CRBN: variants seen among roughly 807,000 people sequenced by gnomAD.
The protein encoded by CRBN is cereblon, also known as protein cereblon.
Under a neutral mutation model 62.2 loss-of-function variants are expected in CRBN, and 53 were observed. That is an observed-to-expected ratio of 0.85 (90% confidence interval 0.68 to 1.07). The LOEUF is 1.07. CRBN is among the 50% of genes least tolerant of loss of function. CRBN has a pLI of 0.00. For synonymous variants in CRBN, 208 were observed against 176.1 expected, an observed-to-expected ratio of 1.18 and a Z score of -1.43; for missense variants, 616 against 531.1, an observed-to-expected ratio of 1.16 and a Z score of -1.57.
rs1457385788 is a variant in CRBN, at chr3:3,150,930, G to C, written c.1264C>G (p.Leu422Val). The stretch of plus-strand genomic sequence containing the variant: ...TCAGTGTCTGGGATCGTGGGCAACA[G>C]AGCAGATCGCGTTAAGCCCCAAAAT... ...QKFWGLTRSA[L>V]LPTIPDTEDE... Residue 422 changes from leucine to valine, a missense_variant, in exon 11 of 11, where the codon CTG (leucine) becomes GTG (valine). By Grantham distance (32) the Leu-to-Val change is conservative. Coordinates refer to ENST00000231948, the MANE Select transcript of CRBN (RefSeq NM_016302.4). 1.9e-6 allele frequency: 3 copies of C among 1,613,896 alleles called. No individual in the cohort carries two copies. Among genetic ancestry groups the C allele is most frequent in the Non-Finnish European group, 2.5e-6 (3 of 1,179,966 alleles).
At chr3:3,179,443 A>G (rs547427993) in intron 1 of CRBN, among the ~76,000 whole-genome samples, 178 bp downstream of exon 1, 1 of 152,198 alleles carries the variant, frequency 6.6e-6, no homozygotes, top group South Asian at 2.1e-4. Context: ...CAGCGAAGAA[A>G]GCGCCGCGAC....
At chr3:3,175,676 G>C (rs566062319) in intron 1 of CRBN, among the ~76,000 whole-genome samples, 3 of 151,974 alleles carry the variant, frequency 2.0e-5, no homozygotes, top group Middle Eastern at 3.2e-3. Flanking sequence ...TTGCGTTCCA[G>C]GATCCCACTT....
At chr3:3,154,681 C>G in intron 7 of CRBN, 66 bp downstream of exon 7, 2 of 843,656 alleles carry the variant, frequency 2.4e-6, no homozygotes, top group Non-Finnish European at 4.2e-6. Context: ...TGGATCGCAT[C>G]CATGAAAAAG....
At chr3:3,159,147 T>C (rs774563602) in intron 5 of CRBN, among the ~76,000 whole-genome samples, 5 of 152,198 alleles carry the variant, frequency 3.3e-5, no homozygotes, top group Non-Finnish European at 5.9e-5. Flanking sequence ...TCTTTATAAA[T>C]TACCCAGTCT....
At chr3:3,151,216 T>A (rs1237917329) in intron 10 of CRBN, among the ~76,000 whole-genome samples, 171 bp from the exon 11 acceptor site, 1 of 152,206 alleles carries the variant, frequency 6.6e-6, no homozygotes, top group East Asian at 1.9e-4. Context: ...CTAAAAACAT[T>A]TTCTAATTTT....
chr3:3,177,605 CTTTA>C (rs1707880249), intron 1 of CRBN, among the ~76,000 whole-genome samples: 1 of 152,202 alleles, frequency 6.6e-6, no homozygotes, highest in African/African-American at 2.4e-5. Context: ...GCACAACCCA[CTTTA>C]TTGCTCTACT....
intron 1 of CRBN, among the ~76,000 whole-genome samples, chr3:3,176,894 C>T (rs989314494): frequency 6.6e-6 from 1 of 152,222 alleles, no homozygotes; most frequent in Admixed American, 6.5e-5. Context: ...GAAAACGCTA[C>T]ACAATACATA....
chr3:3,153,184 A>G (rs906073268), intron 9 of CRBN: 2 of 455,478 alleles, frequency 4.4e-6, no homozygotes, highest in African/African-American at 4.0e-5. Flanking sequence ...GGGGAAAAGA[A>G]TTTCTCAGTT....
intron 5 of CRBN, among the ~76,000 whole-genome samples, chr3:3,166,872 A>G (rs1394505886): frequency 6.6e-6 from 1 of 151,836 alleles, no homozygotes; most frequent in Non-Finnish European, 1.5e-5. Flanking sequence ...AATCCTCACC[A>G]CTCAACAAAG....
At chr3:3,179,501 C>A in intron 1 of CRBN, 120 bp downstream of exon 1, 1 of 959,230 alleles carries the variant, frequency 1.0e-6, no homozygotes, top group East Asian at 2.6e-5. Context: ...CGGTGCGGCC[C>A]TGCTGGGCTG....
chr3:3,172,366 A>T (rs1707651538), intron 4 of CRBN: 1 of 204,344 alleles, frequency 4.9e-6, no homozygotes, highest in Non-Finnish European at 1.0e-5. Flanking sequence ...TGGTGAGCAC[A>T]CGAACAGCTC....
downstream of CRBN, chr3:3,149,983 A>C (rs1331788229): frequency 5.3e-5 from 8 of 152,160 alleles, no homozygotes; most frequent in African/African-American, 1.9e-4. Context: ...ATGAGTAGAT[A>C]TTTTACATTA....
chr3:3,150,518 AT>A lies in CRBN; in HGVS notation c.*346del, dbSNP rs11320492. The A allele has an allele frequency of 0.25, 45,515 of 184,864 alleles. 4,681 individuals carry two copies. The highest frequency in any genetic ancestry group is 0.69 in the East Asian group (4,400 of 6,354). The allele number at this position is 184,864 out of a possible 1,614,324, so 11.5% of individuals were successfully genotyped here. The stretch of plus-strand genomic sequence containing the variant: ...CAGTTTCACATTGTAGGAATTTAAG[AT>A]TTTTTTTTTTTTTAACACAGGAAAT... On this transcript the variant is annotated 3_prime_UTR_variant, in exon 11 of 11. Transcript: ENST00000231948.
At position 3,179,674 on chromosome 3, in the gene CRBN, C is replaced by T. The variant is rs143087756; in HGVS notation, c.14G>A (p.Gly5Glu). 30 of 1,612,950 alleles carry T rather than the reference C, an allele frequency of 1.9e-5. 1 individual carries two copies. Among genetic ancestry groups the T allele is most frequent in the Admixed American group, 5.0e-5 (3 of 59,982 alleles). The stretch of plus-strand genomic sequence containing the variant: ...GTTGTGCGCAGCGTCCTGCTGATCT[C>T]CTTCGCCGGCCATGTCTGTTTACCC... MAGE[G>E]DQQDAAHNMG... The change falls in exon 1 of 11, where the codon GGA (glycine) becomes GAA (glutamate). Residue 5 changes from glycine (G) to glutamate (E), a missense_variant. Transcript: ENST00000231948.
Position 3,175,252 on chromosome 3 carries a change from C to G in CRBN, c.85G>C (p.Asp29His), listed in dbSNP as rs971571494. ...PLLPAESEEE[D>H]EMEVEDQDSK... ...TCCTGGTCTTCAACTTCCATTTCATCTTCTTCCTCACTCTCTGCTATAAAA... is the reference window on the plus strand; with the variant it reads ...TCCTGGTCTTCAACTTCCATTTCATGTTCTTCCTCACTCTCTGCTATAAAA... The change falls in exon 2 of 11, where the codon GAT (aspartate) becomes CAT (histidine). Residue 29 changes from aspartate (D) to histidine (H), a missense_variant. Coordinates refer to ENST00000231948, the MANE Select transcript of CRBN (RefSeq NM_016302.4). The G allele has an allele frequency of 6.2e-7, 1 of 1,610,644 alleles. No individual in the cohort carries two copies. Among genetic ancestry groups the G allele is most frequent in the Non-Finnish European group, 8.5e-7 (1 of 1,177,274 alleles).
intron 5 of CRBN, among the ~76,000 whole-genome samples, chr3:3,161,587 C>G: frequency 6.6e-6 from 1 of 152,162 alleles, no homozygotes; most frequent in Non-Finnish European, 1.5e-5. Flanking sequence ...CGGGGTTTCA[C>G]CATTTTGGCC....
chr3:3,179,537 C>T lies in CRBN; in HGVS notation c.67+84G>A, dbSNP rs1707982504. On this transcript the variant is annotated intron_variant, in intron 1 of 10. Transcript: ENST00000231948. ...GCTCGCCAGGCTTGGCGCCCCCACGCCCGCCTCCCAGGCCCAGCTGCACCG... is the reference window on the plus strand; with the variant it reads ...GCTCGCCAGGCTTGGCGCCCCCACGTCCGCCTCCCAGGCCCAGCTGCACCG... The T allele has an allele frequency of 2.2e-6, 3 of 1,391,248 alleles. No homozygotes were observed. In the Admixed American group the frequency reaches 5.4e-5, roughly 25 times the overall value. The allele number at this position is 1,391,248 out of a possible 1,614,324, so 86.2% of individuals were successfully genotyped here.
At chr3:3,154,530 C>G (rs1193610384) in intron 7 of CRBN, 2 of 549,034 alleles carry the variant, frequency 3.6e-6, no homozygotes, top group Non-Finnish European at 6.4e-6. Context: ...GAAAACTTGT[C>G]TAAAATTGGA....
At chr3:3,168,124 T>C (rs1449631613) in intron 4 of CRBN, among the ~76,000 whole-genome samples, 1 of 151,650 alleles carries the variant, frequency 6.6e-6, no homozygotes, top group African/African-American at 2.4e-5. Flanking sequence ...AACTACTGCT[T>C]GATACTTCTA....
Sources: allele counts gnomAD v4.1 joint callset (sites outside exome capture counted in the v4.1 genomes callset), GRCh38; gene constraint gnomAD v4.1.1; transcripts MANE v1.5; gene names NCBI Gene and HGNC (gene_info 2026-07-23, HGNC 2026-07-21).